The following KCNAB1 variants were observed in gnomAD, a reference collection of about 807,000 sequenced individuals.
KCNAB1 encodes the protein potassium voltage-gated channel subfamily A regulatory beta subunit 1.
In KCNAB1, 35 loss-of-function variants were observed where a neutral mutation model predicts 64.6. The observed-to-expected ratio is 0.54, with a 90% CI of 0.41 to 0.72. The LOEUF is 0.72. Ranked by LOEUF, KCNAB1 falls within the 30% of genes least tolerant of loss-of-function variation. KCNAB1 has a pLI of 0.00. For missense variants in KCNAB1, 401 were observed against 512.9 expected, an observed-to-expected ratio of 0.78 and a Z score of 2.11; for synonymous variants, 177 against 183.8, an observed-to-expected ratio of 0.96 and a Z score of 0.30.
chr3:156,302,411 T>C (rs1187927140), intron 1 of KCNAB1, among the ~76,000 whole-genome samples: 1 of 152,076 alleles, frequency 6.6e-6, no homozygotes, highest in Non-Finnish European at 1.5e-5. Context: ...AAATGTTATA[T>C]GGGAGAGGGG....
At chr3:156,320,346 C>T (rs182190990) in intron 1 of KCNAB1, among the ~76,000 whole-genome samples, 1 of 152,230 alleles carries the variant, frequency 6.6e-6, no homozygotes, top group East Asian at 1.9e-4. Context: ...CTACATAATC[C>T]TACACAAAAG....
intron 1 of KCNAB1, among the ~76,000 whole-genome samples, chr3:156,202,619 C>T (rs1277395916): frequency 6.6e-6 from 1 of 152,144 alleles, no homozygotes; most frequent in African/African-American, 2.4e-5. Context: ...TCTGTTCTTG[C>T]ATGTTGTCTA....
chr3:156,444,056 G>A (rs1297837327), intron 2 of KCNAB1, among the ~76,000 whole-genome samples: 2 of 152,222 alleles, frequency 1.3e-5, no homozygotes, highest in African/African-American at 2.4e-5. Flanking sequence ...ATTAGCAACA[G>A]GCTAGAAGCC....
In KCNAB1 at chr3:156,336,633, C is replaced by T. The variant is rs1029406008; in HGVS notation, c.276-84983C>T. Among the ~76,000 whole-genome samples, 6 of 152,178 alleles carry T rather than the reference C, an allele frequency of 3.9e-5. No individual in the cohort carries two copies. The South Asian group carries it at 1.2e-3, about 32-fold the overall frequency. On this transcript the variant is annotated intron_variant, in intron 1 of 13. Coordinates refer to ENST00000490337, the MANE Select transcript of KCNAB1 (RefSeq NM_172160.3). ...ACTGATGTATTTGTACATATGTGTTCATGGTAAATTTCCAGTGACAAACCT... is the reference window on the plus strand; with the variant it reads ...ACTGATGTATTTGTACATATGTGTTTATGGTAAATTTCCAGTGACAAACCT...
intron 1 of KCNAB1, chr3:156,143,003 C>T (rs115238523): frequency 1.6e-4 from 206 of 1,314,814 alleles, no homozygotes; most frequent in African/African-American, 1.3e-3. Flanking sequence ...ACAGCTCTGT[C>T]GGGAACTTAG....
chr3:156,223,733 G>T (rs1473968620), intron 1 of KCNAB1, among the ~76,000 whole-genome samples: 1 of 152,194 alleles, frequency 6.6e-6, no homozygotes, highest in Non-Finnish European at 1.5e-5. Context: ...GTGCTGATTG[G>T]TGTGTTTACA....
intron 1 of KCNAB1, among the ~76,000 whole-genome samples, chr3:156,298,968 G>A (rs1289441180): frequency 6.6e-6 from 1 of 152,204 alleles, no homozygotes; most frequent in South Asian, 2.1e-4. Context: ...TTAATACTAT[G>A]TGATCACCAG....
intron 2 of KCNAB1, among the ~76,000 whole-genome samples, chr3:156,433,869 C>A (rs562371813): frequency 1.3e-5 from 2 of 152,168 alleles, no homozygotes; most frequent in East Asian, 3.9e-4. Context: ...ATATGTTGCC[C>A]CGTGGTTGTA....
intron 1 of KCNAB1, among the ~76,000 whole-genome samples, chr3:156,348,049 A>G (rs1043055569): frequency 2.0e-5 from 3 of 152,208 alleles, no homozygotes; most frequent in African/African-American, 7.2e-5. Context: ...GCAAGCAAAC[A>G]AAAACAGACA....
intron 1 of KCNAB1, among the ~76,000 whole-genome samples, chr3:156,144,655 T>C (rs1282076545): frequency 6.6e-6 from 1 of 152,152 alleles, no homozygotes; most frequent in African/African-American, 2.4e-5. Context: ...CCCCACGTTT[T>C]CTCTCTTCTC....
chr3:156,527,702 T>C (rs893226829), intron 12 of KCNAB1, among the ~76,000 whole-genome samples: 2 of 152,188 alleles, frequency 1.3e-5, no homozygotes, highest in East Asian at 1.9e-4. Context: ...GTCACTTCTT[T>C]CTTTGTAAAT....
At chr3:156,419,145 T>C (rs948286179) in intron 1 of KCNAB1, among the ~76,000 whole-genome samples, 4 of 152,170 alleles carry the variant, frequency 2.6e-5, no homozygotes, top group Non-Finnish European at 5.9e-5. Context: ...ATCAGGAAAA[T>C]GGGTGCTGAG....
At chr3:156,436,259 T>C (rs549931223) in intron 2 of KCNAB1, among the ~76,000 whole-genome samples, 17 of 152,264 alleles carry the variant, frequency 1.1e-4, no homozygotes, top group Non-Finnish European at 2.1e-4. Context: ...TTCCTTTTTA[T>C]GGCTGCATAG....
intron 1 of KCNAB1, among the ~76,000 whole-genome samples, chr3:156,178,723 C>T (rs1712563253): frequency 6.6e-6 from 1 of 152,018 alleles, no homozygotes; most frequent in Admixed American, 6.5e-5. Context: ...ATTTTTTGGC[C>T]GGGCGCGGTG....
intron 1 of KCNAB1, among the ~76,000 whole-genome samples, chr3:156,407,146 A>G (rs1039022785): frequency 6.6e-6 from 1 of 151,456 alleles, no homozygotes; most frequent in African/African-American, 2.4e-5. Context: ...CCTGGCTCCT[A>G]TCTCTCTCTC....
intron 1 of KCNAB1, among the ~76,000 whole-genome samples, chr3:156,349,906 T>C (rs752177665): frequency 4.6e-5 from 7 of 152,172 alleles, no homozygotes; most frequent in Non-Finnish European, 7.3e-5. Flanking sequence ...AGTTCTTTTC[T>C]CCCCTCTTTA....
intron 1 of KCNAB1, among the ~76,000 whole-genome samples, chr3:156,342,869 C>T (rs1724237336): frequency 6.6e-6 from 1 of 151,982 alleles, no homozygotes; most frequent in Non-Finnish European, 1.5e-5. Flanking sequence ...TCTCACCCCG[C>T]TGAGGTGCAC....
chr3:156,448,641 G>C (rs551458208), intron 2 of KCNAB1, among the ~76,000 whole-genome samples: 2 of 152,236 alleles, frequency 1.3e-5, no homozygotes, highest in East Asian at 3.9e-4. Context: ...ATAGCTGGGT[G>C]GGTACCCAGG....
chr3:156,190,193 A>G (rs140157296), intron 1 of KCNAB1, among the ~76,000 whole-genome samples: 112 of 152,284 alleles, frequency 7.4e-4, no homozygotes, highest in African/African-American at 2.6e-3. Context: ...ATTTGAAAGT[A>G]ACTTTCCTTC....
Sources: gnomAD v4.1 joint callset for allele counts (sites outside exome capture counted in the v4.1 genomes callset) on GRCh38, gnomAD v4.1.1 for gene constraint, MANE v1.5 for transcripts, NCBI Gene and HGNC (gene_info 2026-07-23, HGNC 2026-07-21) for gene names.